EMSY: variants seen among roughly 807,000 people sequenced by gnomAD.
EMSY encodes the protein EMSY transcriptional repressor, BRCA2 interacting, also known as BRCA2-interacting transcriptional repressor EMSY.
EMSY carries 26 observed loss-of-function variants against 134.6 expected under a neutral mutation model. The observed-to-expected ratio is 0.19, with a 90% CI of 0.14 to 0.27. The LOEUF is 0.27. Ranked by LOEUF, EMSY falls within the 10% of genes least tolerant of loss-of-function variation. EMSY has a pLI of 1.00. For missense variants in EMSY, 1,305 were observed against 1,611.4 expected (o/e 0.81, Z 3.26); for synonymous variants, 579 against 577.8 (o/e 1.00, Z -0.03).
chr11:76,523,704 C>CTTTT (rs746491659), intron 12 of EMSY, among the ~76,000 whole-genome samples: 7,696 of 79,080 alleles, frequency 0.097, 368 homozygotes, highest in African/African-American at 0.18. Context: ...TTGTTACTTT[C>CTTTT]TTTTTTTTTT....
In EMSY at chr11:76,472,937, C is replaced by G. The variant is rs1948631339; in HGVS notation, c.1108+97C>G. 2.3e-6 allele frequency: 3 copies of G among 1,330,780 alleles called. No homozygotes were observed. In the South Asian group the frequency reaches 4.0e-5, roughly 18 times the overall value. The allele number at this position is 1,330,780 out of a possible 1,614,324, so 82.4% of individuals were successfully genotyped here. A position where few individuals can be genotyped will look rare whatever the true frequency, so the allele number is the denominator to read the frequency against. On this transcript the variant is annotated intron_variant, in intron 8 of 20. Transcript: ENST00000334736. Reference sequence around the variant, plus strand: ...GTTTCTCTGCTTTGGATATGAAGGTCCCTACTATTAGACCCAAGATCACCA... The same window carrying G: ...GTTTCTCTGCTTTGGATATGAAGGTGCCTACTATTAGACCCAAGATCACCA...
chr11:76,460,106 T>A, intron 6 of EMSY, 21 bp downstream of exon 7: 1 of 1,613,282 alleles, frequency 6.2e-7, no homozygotes. Context: ...TTCTCAGTGT[T>A]ATCAGGGCCT....
chr11:76,447,038 C>G, intron 2 of EMSY, 30 bp downstream of exon 2: 5 of 1,603,032 alleles, frequency 3.1e-6, no homozygotes, highest in Non-Finnish European at 4.3e-6. Flanking sequence ...TTTTTTACCT[C>G]TCTCTGATAC....
chr11:76,513,602 C>A, intron 10 of EMSY, 67 bp downstream of exon 11: 2 of 1,536,262 alleles, frequency 1.3e-6, no homozygotes, highest in East Asian at 2.3e-5. Context: ...TCTGTACCAG[C>A]AATATGCTTG....
In EMSY at chr11:76,537,782, CT is replaced by C. The variant is rs1442758881; in HGVS notation, c.2360-7del. On this transcript the variant is annotated splice_polypyrimidine_tract_variant and intron_variant, in intron 15 of 20. Coordinates refer to ENST00000334736, the Ensembl canonical transcript of EMSY. ...TAATAAAAGTTAACTTTTCCCCTGA[CT>C]TTTTTATGCAGTAAAGGAAAAATTG... is the stretch of plus-strand genomic sequence containing the variant. The C allele has an allele frequency of 1.3e-6, 2 of 1,584,466 alleles. No individual in the cohort carries two copies. Among genetic ancestry groups the C allele is most frequent in the East Asian group, 2.3e-5 (1 of 43,968 alleles).
At chr11:76,488,774 T>C (rs1949297217) in intron 8 of EMSY, among the ~76,000 whole-genome samples, 1 of 152,226 alleles carries the variant, frequency 6.6e-6, no homozygotes. Flanking sequence ...CCTTTCTCTT[T>C]GCTTTTCTTG....
At chr11:76,520,173 CTATTT>C (rs1199786025) in intron 11 of EMSY, among the ~76,000 whole-genome samples, 1 of 151,934 alleles carries the variant, frequency 6.6e-6, no homozygotes, top group Non-Finnish European at 1.5e-5. Flanking sequence ...AAATTATATT[CTATTT>C]TAATATAATG....
chr11:76,530,504 C>A (rs1327255083), intron 14 of EMSY, among the ~76,000 whole-genome samples: 1 of 152,160 alleles, frequency 6.6e-6, no homozygotes, highest in East Asian at 1.9e-4. Context: ...AAGTTTGCAT[C>A]TTCTGTTTTT....
chr11:76,527,329 G>A (rs1021166901), intron 13 of EMSY, among the ~76,000 whole-genome samples: 5 of 151,558 alleles, frequency 3.3e-5, no homozygotes, highest in South Asian at 2.1e-4. Flanking sequence ...AATACTTTAC[G>A]TATCTAAAAA....
Position 76,448,390 on chromosome 11 carries a change from C to G in EMSY, c.70+1382C>G, listed in dbSNP as rs562943329. Among the ~76,000 whole-genome samples, 8 of 151,840 alleles carry G rather than the reference C, an allele frequency of 5.3e-5. No homozygotes were observed. The South Asian group carries it at 1.7e-3, about 32-fold the overall frequency. The stretch of plus-strand genomic sequence containing the variant: ...GAAGATAGTTTTCTACACTTGCATA[C>G]AATTAATATAACTTGTTAGTTGCCG... On this transcript the variant is annotated intron_variant, in intron 2 of 20. Transcript: ENST00000334736.
chr11:76,543,900 C>T (rs1951540086), intron 18 of EMSY, among the ~76,000 whole-genome samples: 1 of 152,150 alleles, frequency 6.6e-6, no homozygotes. Context: ...GCTTGGTTAC[C>T]GCTTTTAGAG....
chr11:76,547,626 T>C (rs548191676), intron 20 of EMSY, among the ~76,000 whole-genome samples: 23 of 152,338 alleles, frequency 1.5e-4, no homozygotes, highest in Admixed American at 7.8e-4. Context: ...TTACACAAAA[T>C]CAAGCACCTA....
At chr11:76,483,525 A>G (rs554645906) in intron 8 of EMSY, among the ~76,000 whole-genome samples, 48 of 152,220 alleles carry the variant, frequency 3.2e-4, no homozygotes, top group Admixed American at 7.2e-4. Context: ...TGTGAAAGAC[A>G]CACATAGGCT....
At chr11:76,464,052 C>A (rs1421091467) in exon 7 of EMSY, 1 of 1,614,230 alleles carries the variant, frequency 6.2e-7, no homozygotes, top group Non-Finnish European at 8.5e-7. Context: ...AAACCATCAA[C>A]ACAGACAACA....
rs1244416616 is a variant in EMSY, at chr11:76,544,218, T to A, written c.2710-41T>A. 4 of 1,532,036 alleles carry A rather than the reference T, an allele frequency of 2.6e-6. No homozygotes were observed. The East Asian group carries it at 9.1e-5, about 35-fold the overall frequency. The allele number at this position is 1,532,036 out of a possible 1,614,324, so 94.9% of individuals were successfully genotyped here. Reference sequence around the variant, plus strand: ...AGAGGAAAATGTAGCAATGTAGATGTTTTTCTTATTTCATTCTTACTTTGT... The same window carrying A: ...AGAGGAAAATGTAGCAATGTAGATGATTTTCTTATTTCATTCTTACTTTGT... On this transcript the variant is annotated intron_variant, in intron 18 of 20. Coordinates refer to ENST00000334736, the Ensembl canonical transcript of EMSY.
chr11:76,457,626 G>A (rs1947928696), intron 4 of EMSY, among the ~76,000 whole-genome samples: 1 of 152,096 alleles, frequency 6.6e-6, no homozygotes, highest in South Asian at 2.1e-4. Flanking sequence ...TGACACATAC[G>A]GTTATATATA....
chr11:76,542,292 C>T (rs144855396), exon 18 of EMSY: 27 of 1,614,104 alleles, frequency 1.7e-5, no homozygotes, highest in Admixed American at 6.7e-5. Flanking sequence ...AGTCACAGAC[C>T]GCAACACAGA....
At chr11:76,538,637 T>G (rs1432099223) in intron 16 of EMSY, among the ~76,000 whole-genome samples, 1 of 151,976 alleles carries the variant, frequency 6.6e-6, no homozygotes, top group South Asian at 2.1e-4. Context: ...AGAAATAAAA[T>G]CCGGTCCTTT....
At chr11:76,524,867 A>G (rs1269231020) in intron 12 of EMSY, among the ~76,000 whole-genome samples, 1 of 152,180 alleles carries the variant, frequency 6.6e-6, no homozygotes, top group African/African-American at 2.4e-5. Context: ...CTACAAAATT[A>G]CAAAAATTAG....
Sources: gnomAD v4.1 joint callset for allele counts (sites outside exome capture counted in the v4.1 genomes callset) on GRCh38, gnomAD v4.1.1 for gene constraint, MANE v1.5 for transcripts, NCBI Gene and HGNC (gene_info 2026-07-23, HGNC 2026-07-21) for gene names.